Variants in ANKRD6 observed in about 807,000 individuals in gnomAD.
ANKRD6 encodes ankyrin repeat domain-containing protein 6.
A neutral mutation model predicts 82.3 loss-of-function variants in ANKRD6; 56 were observed. The observed-to-expected ratio is 0.68, with a 90% CI of 0.55 to 0.85. The LOEUF is 0.85. Ranked by LOEUF, ANKRD6 falls within the 40% of genes least tolerant of loss-of-function variation. The pLI, the probability that ANKRD6 is intolerant of heterozygous loss-of-function variation, is 0.00. For synonymous variants in ANKRD6, 347 were observed against 352.1 expected (o/e 0.99, Z 0.16); for missense variants, 852 against 907.6 (o/e 0.94, Z 0.79).
intron 3 of ANKRD6, among the ~76,000 whole-genome samples, chr6:89,600,409 C>T (rs578163451): frequency 2.0e-5 from 3 of 152,142 alleles, no homozygotes; most frequent in South Asian, 4.1e-4. Flanking sequence ...GTGGCTAACA[C>T]GACCCATATG....
intron 1 of ANKRD6, among the ~76,000 whole-genome samples, chr6:89,436,549 T>C (rs1204876752): frequency 3.9e-5 from 6 of 152,178 alleles, no homozygotes. Flanking sequence ...TTATGCTAGG[T>C]GAAATAAGTT....
intron 2 of ANKRD6, among the ~76,000 whole-genome samples, chr6:89,571,858 A>G (rs1789989718): frequency 6.6e-6 from 1 of 152,154 alleles, no homozygotes; most frequent in Non-Finnish European, 1.5e-5. Flanking sequence ...ACATACATCC[A>G]CCAGTATAGT....
intron 2 of ANKRD6, among the ~76,000 whole-genome samples, chr6:89,578,131 G>A (rs1791561350): frequency 6.6e-6 from 1 of 151,984 alleles, no homozygotes; most frequent in Admixed American, 6.6e-5. Context: ...GAGACCATAC[G>A]GTGTGATCTA....
chr6:89,580,722 G>A (rs1323438716), intron 2 of ANKRD6, among the ~76,000 whole-genome samples: 2 of 152,162 alleles, frequency 1.3e-5, no homozygotes, highest in African/African-American at 2.4e-5. Flanking sequence ...CTTTTGTGGT[G>A]GTCATTTGCT....
chr6:89,606,084 C>G lies in ANKRD6; in HGVS notation c.396C>G (p.Ala132=). 1.3e-6 allele frequency: 2 copies of G among 1,577,200 alleles called. No individual in the cohort carries two copies. Among genetic ancestry groups the G allele is most frequent in the Non-Finnish European group, 1.7e-6 (2 of 1,160,626 alleles). ...CCAAGCTGCTCATTAAAGCAGGAGC[C>G]AACGTGCTTGCCAAGAACAAGGTGA... ...QSAKLLIKAG[A]NVLAKNKAGN... Residue 132 remains alanine (A), a synonymous_variant, in exon 5 of 16, where the codon GCC becomes GCG. Transcript: ENST00000339746.
At chr6:89,496,512 A>G (rs1170663691) in intron 1 of ANKRD6, among the ~76,000 whole-genome samples, 1 of 152,042 alleles carries the variant, frequency 6.6e-6, no homozygotes. Context: ...GAAAGATAAA[A>G]TTAATTAATT....
intron 3 of ANKRD6, among the ~76,000 whole-genome samples, 174 bp downstream of exon 3, chr6:89,596,188 G>A (rs1438044224): frequency 1.3e-5 from 2 of 152,132 alleles, no homozygotes; most frequent in South Asian, 2.1e-4. Context: ...CTGCTCTGAG[G>A]CCCATTCTCA....
intron 3 of ANKRD6, among the ~76,000 whole-genome samples, chr6:89,596,335 A>G (rs1220009772): frequency 6.6e-6 from 1 of 152,186 alleles, no homozygotes; most frequent in African/African-American, 2.4e-5. Context: ...GTCTCAGCAT[A>G]AAGAGACACA....
chr6:89,537,087 A>G (rs1175441633), intron 1 of ANKRD6, among the ~76,000 whole-genome samples: 1 of 152,186 alleles, frequency 6.6e-6, no homozygotes, highest in Admixed American at 6.5e-5. Flanking sequence ...GTGTGTGTAC[A>G]GAAATAGTGT....
intron 1 of ANKRD6, among the ~76,000 whole-genome samples, chr6:89,543,468 C>CT (rs1784671495): frequency 6.6e-6 from 1 of 152,204 alleles, no homozygotes; most frequent in South Asian, 2.1e-4. Flanking sequence ...AGCCCCCACT[C>CT]TAACGAGAGA....
chr6:89,609,103 C>T (rs75338255), intron 5 of ANKRD6, among the ~76,000 whole-genome samples: 2,858 of 152,318 alleles, frequency 0.019, 45 homozygotes, highest in Middle Eastern at 0.031. Context: ...CCCTTGGCAC[C>T]GCATGCAGCT....
intron 11 of ANKRD6, 71 bp from the exon 12 acceptor site, chr6:89,623,801 G>A (rs1030289379): frequency 2.5e-5 from 37 of 1,489,630 alleles, no homozygotes; most frequent in Non-Finnish European, 3.2e-5. Context: ...GGGTGACATG[G>A]GCGCCACCGA....
intron 1 of ANKRD6, among the ~76,000 whole-genome samples, chr6:89,560,062 A>G (rs1038744157): frequency 1.3e-5 from 2 of 152,196 alleles, no homozygotes; most frequent in Non-Finnish European, 2.9e-5. Flanking sequence ...ATACAAGATG[A>G]CCAAAACGGG....
intron 1 of ANKRD6, among the ~76,000 whole-genome samples, chr6:89,446,967 C>A (rs1055060498): frequency 1.5e-4 from 23 of 152,090 alleles, no homozygotes; most frequent in African/African-American, 5.6e-4. Context: ...CCTGAGGGTT[C>A]CCCAGCCCTG....
Position 89,583,418 on chromosome 6 carries a change from A to G in ANKRD6, c.121-12498A>G, listed in dbSNP as rs140791777. ...TAATGCATGGAAAATTATGGGATCA[A>G]TAATATGAAAGTCTTAAGTGTTAAC... On this transcript the variant is annotated intron_variant, in intron 2 of 15. Transcript: ENST00000339746. Among the ~76,000 whole-genome samples the G allele has an allele frequency of 1.9e-3, 287 of 152,364 alleles. 1 individual carries two copies. Among genetic ancestry groups the G allele is most frequent in the Non-Finnish European group, 3.7e-3 (250 of 68,030 alleles).
chr6:89,531,149 C>T (rs1426328658), intron 1 of ANKRD6, among the ~76,000 whole-genome samples: 1 of 152,232 alleles, frequency 6.6e-6, no homozygotes, highest in Non-Finnish European at 1.5e-5. Context: ...TGTGAGCATG[C>T]ATCCGCCTGC....
rs751081085 is a variant in ANKRD6, at chr6:89,612,352, C to T, written c.498C>T (p.Arg166=). 1.7e-5 allele frequency: 27 copies of T among 1,558,818 alleles called. No individual in the cohort carries two copies. Among genetic ancestry groups the T allele is most frequent in the South Asian group, 1.3e-4 (11 of 84,426 alleles). ...STRVLLLAGS[R]ADLKNNAGDT... is the part of the protein sequence containing the mutation. ...GCGTCCTCCTGCTGGCCGGGTCCCG[C>T]GCTGACCTCAAAAATAATGTGGGTG... is the stretch of plus-strand genomic sequence containing the variant. The change falls in exon 6 of 16, where the codon CGC becomes CGT. Residue 166 remains arginine, a synonymous_variant. Coordinates refer to ENST00000339746, the MANE Select transcript of ANKRD6 (RefSeq NM_001242809.2).
chr6:89,525,282 A>G (rs1473236941), intron 1 of ANKRD6, among the ~76,000 whole-genome samples: 2 of 126,702 alleles, frequency 1.6e-5, no homozygotes, highest in African/African-American at 6.0e-5. Context: ...CGACATAGCA[A>G]GATCCTATCT....
chr6:89,534,741 G>A (rs1191709602), intron 1 of ANKRD6, among the ~76,000 whole-genome samples: 2 of 152,162 alleles, frequency 1.3e-5, no homozygotes, highest in East Asian at 3.8e-4. Context: ...TGAGGGTGAG[G>A]GGAGACAAGA....
Sources: allele counts gnomAD v4.1 joint callset (sites outside exome capture counted in the v4.1 genomes callset), GRCh38; gene constraint gnomAD v4.1.1; transcripts MANE v1.5; gene names NCBI Gene and HGNC (gene_info 2026-07-23, HGNC 2026-07-21).